Variants in AGAP1 observed in about 807,000 individuals in gnomAD.
The protein encoded by AGAP1 is arf-GAP with GTPase, ANK repeat and PH domain-containing protein 1.
Under a neutral mutation model 105.3 loss-of-function variants are expected in AGAP1, and 29 were observed. The ratio of observed to expected loss-of-function variants is 0.28; its 90% CI spans 0.21 to 0.38. AGAP1 has a LOEUF of 0.38. Among genes scored for constraint, AGAP1 ranks in the 10% least tolerant of loss-of-function variants. AGAP1 has a pLI of 1.00. For synonymous variants in AGAP1, 509 were observed against 485.9 expected (o/e 1.05, Z -0.63); for missense variants, 998 against 1,165.1 (o/e 0.86, Z 2.09).
intron 1 of AGAP1, among the ~76,000 whole-genome samples, chr2:235,698,270 T>TTG (rs1950090356): frequency 7.3e-6 from 1 of 136,060 alleles, no homozygotes; most frequent in Non-Finnish European, 1.6e-5. Context: ...AGATGAAGCT[T>TTG]CGCTTTGCTT....
chr2:235,628,869 T>C (rs1435624537), intron 1 of AGAP1, among the ~76,000 whole-genome samples: 2 of 152,146 alleles, frequency 1.3e-5, no homozygotes, highest in African/African-American at 4.8e-5. Flanking sequence ...TGGAGTGCAG[T>C]GCTGTGATCT....
At chr2:236,116,249 G>T (rs563024724) in intron 16 of AGAP1, among the ~76,000 whole-genome samples, 1 of 152,046 alleles carries the variant, frequency 6.6e-6, no homozygotes, top group Non-Finnish European at 1.5e-5. Context: ...CCTTTTGTGG[G>T]TTTCGGGCCC....
intron 2 of AGAP1, among the ~76,000 whole-genome samples, chr2:235,715,407 G>A (rs1951052020): frequency 6.6e-6 from 1 of 152,130 alleles, no homozygotes; most frequent in African/African-American, 2.4e-5. Context: ...AAGGCTGTCT[G>A]GGGGTGAGGG....
In AGAP1 at chr2:235,754,752, A is replaced by G. The variant is rs1953771819; in HGVS notation, c.673+4264A>G. Among the ~76,000 whole-genome samples, 1 of 152,194 alleles carries G rather than the reference A, an allele frequency of 6.6e-6. No homozygotes were observed. The highest frequency in any genetic ancestry group is 2.1e-4 in the South Asian group (1 of 4,822). ...TCGTTCATCTGAGCACCAGCTTCCCACACACTGTGCGTCTGGTCAGGGGCT... is the reference window on the plus strand; with the variant it reads ...TCGTTCATCTGAGCACCAGCTTCCCGCACACTGTGCGTCTGGTCAGGGGCT... On this transcript the variant is annotated intron_variant, in intron 6 of 17. Coordinates refer to ENST00000304032, the MANE Select transcript of AGAP1 (RefSeq NM_001037131.3). The surrounding 1 kb of genome is among the most constrained non-coding windows in gnomAD (Gnocchi z 4.6).
At position 235,631,767 on chromosome 2, in the gene AGAP1, C is replaced by T. The variant is rs1470070246; in HGVS notation, c.164-77412C>T. ...CCTTGGAGCTGCCTGTGGCAGGTGG[C>T]GGTGCTAATTAAGTTCCGGCTGTTG... On this transcript the variant is annotated intron_variant, in intron 1 of 17. Transcript: ENST00000304032. The surrounding 1 kb of genome is among the most constrained non-coding windows in gnomAD (Gnocchi z 5.4). Among the ~76,000 whole-genome samples the T allele has an allele frequency of 2.6e-5, 4 of 152,190 alleles. No homozygotes were observed. The highest frequency in any genetic ancestry group is 6.5e-5 in the Admixed American group (1 of 15,288).
chr2:235,928,728 A>G (rs922675756), intron 11 of AGAP1, among the ~76,000 whole-genome samples: 22 of 152,224 alleles, frequency 1.4e-4, no homozygotes, highest in Admixed American at 9.8e-4. Flanking sequence ...TGAATGCCCT[A>G]TTGTAATAGG....
intron 16 of AGAP1, among the ~76,000 whole-genome samples, chr2:236,093,768 T>TATTGAAATCTTGAAAA (rs11271241): frequency 0.17 from 25,262 of 151,998 alleles, 4,378 homozygotes; most frequent in African/African-American, 0.44. Context: ...TAATCCCAAG[T>TATTGAAATCTTGAAAA]ATTGAAATCT....
At position 236,038,805 on chromosome 2, in the gene AGAP1, G is replaced by A. The variant is rs2125672209; in HGVS notation, c.1801-1946G>A. Among the ~76,000 whole-genome samples, 1 of 134,662 alleles carries A rather than the reference G, an allele frequency of 7.4e-6. No individual in the cohort carries two copies. The highest frequency in any genetic ancestry group is 2.2e-4 in the East Asian group (1 of 4,642). The allele number at this position is 134,662 out of a possible 152,430, so 88.3% of individuals were successfully genotyped here. On this transcript the variant is annotated intron_variant, in intron 14 of 17. Coordinates refer to ENST00000304032, the MANE Select transcript of AGAP1 (RefSeq NM_001037131.3). This position sits in a 1 kb window ranked among gnomAD's most constrained non-coding sequence, Gnocchi z 4.5. Reference sequence around the variant, plus strand: ...GATACAGGTACACAGAGAGACAGAGGCACATCCCTTTGTATGTGTGTGTGT... The same window carrying A: ...GATACAGGTACACAGAGAGACAGAGACACATCCCTTTGTATGTGTGTGTGT...
At chr2:235,774,235 T>A (rs1955684049) in intron 6 of AGAP1, 1 of 414,838 alleles carries the variant, frequency 2.4e-6, no homozygotes, top group African/African-American at 2.1e-5. Flanking sequence ...AATGCACATC[T>A]GGAAAATCCG....
At chr2:235,595,930 C>T (rs1416282873) in intron 1 of AGAP1, among the ~76,000 whole-genome samples, 1 of 152,196 alleles carries the variant, frequency 6.6e-6, no homozygotes, top group Non-Finnish European at 1.5e-5. Flanking sequence ...AGCACAAGGT[C>T]AAAGTGTTTC....
rs2059042261 is a variant in AGAP1 at position 236,090,878 on chromosome 2, T to G, written c.2115-29314T>G. Among the ~76,000 whole-genome samples the G allele has an allele frequency of 6.6e-6, 1 of 152,170 alleles. No individual in the cohort carries two copies. Among genetic ancestry groups the G allele is most frequent in the Non-Finnish European group, 1.5e-5 (1 of 68,022 alleles). On this transcript the variant is annotated intron_variant, in intron 16 of 17. Transcript: ENST00000304032. The surrounding 1 kb of genome is among the most constrained non-coding windows in gnomAD (Gnocchi z 4.3). ...CCTCAGCCTCCTGAGTAGCTGGGAT[T>G]ACAGGCATGCGCCACCATACCCGGC...
At chr2:235,742,706 CT>C (rs11302459) in intron 4 of AGAP1, among the ~76,000 whole-genome samples, 2,636 of 152,278 alleles carry the variant, frequency 0.017, 69 homozygotes, top group African/African-American at 0.056. Context: ...CCTCCTGTGG[CT>C]GGTGATAGGA....
rs1179640804 is a variant in AGAP1, at chr2:236,053,274, G to A, written c.2114+3993G>A. ...CTCCTGCATGAATGAATGATTGAAC[G>A]AGTAAATGAGTGAAAGCGGGAACTC... On this transcript the variant is annotated intron_variant, in intron 16 of 17. Transcript: ENST00000304032. This position sits in a 1 kb window ranked among gnomAD's most constrained non-coding sequence, Gnocchi z 4.6. 1.3e-5 allele frequency among the ~76,000 whole-genome samples: 2 copies of A among 152,198 alleles called. No individual in the cohort carries two copies. The highest frequency in any genetic ancestry group is 6.5e-5 in the Admixed American group (1 of 15,276).
rs73116440 is a variant in AGAP1, at chr2:235,498,009, A to G, written c.163+3160A>G. 5.7e-3 allele frequency among the ~76,000 whole-genome samples: 864 copies of G among 152,010 alleles called. 10 individuals carry two copies. The highest frequency in any genetic ancestry group is 0.02 in the African/African-American group (826 of 41,344). ...AACTTCACTGTTTTCTGGCATCTTC[A>G]GGAATTTTTGCTGTTGGAGTGAGGT... is the stretch of plus-strand genomic sequence containing the variant. On this transcript the variant is annotated intron_variant, in intron 1 of 17. Transcript: ENST00000304032.
At chr2:236,106,758 A>G (rs930865980) in intron 16 of AGAP1, among the ~76,000 whole-genome samples, 2 of 152,134 alleles carry the variant, frequency 1.3e-5, no homozygotes, top group African/African-American at 4.8e-5. Context: ...TGGGGTCTGC[A>G]GGTCTCGCAG....
At position 236,056,134 on chromosome 2, in the gene AGAP1, C is replaced by T. The variant is rs553204359; in HGVS notation, c.2114+6853C>T. Among the ~76,000 whole-genome samples the T allele has an allele frequency of 1.3e-5, 2 of 152,252 alleles. No individual in the cohort carries two copies. Among genetic ancestry groups the T allele is most frequent in the Admixed American group, 1.3e-4 (2 of 15,300 alleles). On this transcript the variant is annotated intron_variant, in intron 16 of 17. Coordinates refer to ENST00000304032, the MANE Select transcript of AGAP1 (RefSeq NM_001037131.3). The surrounding 1 kb of genome is among the most constrained non-coding windows in gnomAD (Gnocchi z 4.6). Reference sequence around the variant, plus strand: ...GGCTCTAATTATAAGAAAGGTGATTCTAAGAAGATTCTCCATGAGGTTAAG... The same window carrying T: ...GGCTCTAATTATAAGAAAGGTGATTTTAAGAAGATTCTCCATGAGGTTAAG...
At chr2:235,749,139 G>C (rs1953210680) in intron 5 of AGAP1, among the ~76,000 whole-genome samples, 1 of 151,976 alleles carries the variant, frequency 6.6e-6, no homozygotes, top group Non-Finnish European at 1.5e-5. Flanking sequence ...AAACCAGGAG[G>C]CAGAGGTTGC....
At position 236,092,976 on chromosome 2, in the gene AGAP1, A is replaced by G. The variant is rs2059102247; in HGVS notation, c.2115-27216A>G. On this transcript the variant is annotated intron_variant, in intron 16 of 17. Transcript: ENST00000304032. This position sits in a 1 kb window ranked among gnomAD's most constrained non-coding sequence, Gnocchi z 4.7. ...TGGCCAAATCTGGAACAATTGAAGC[A>G]TCTAAAAGAATAGTGTTGGTGGCAG... is the stretch of plus-strand genomic sequence containing the variant. 6.6e-6 allele frequency among the ~76,000 whole-genome samples: 1 copy of G among 152,260 alleles called. No individual in the cohort carries two copies. Among genetic ancestry groups the G allele is most frequent in the African/African-American group, 2.4e-5 (1 of 41,476 alleles).
chr2:235,539,936 G>A (rs1163746854), intron 1 of AGAP1, among the ~76,000 whole-genome samples: 2 of 152,070 alleles, frequency 1.3e-5, no homozygotes, highest in East Asian at 3.9e-4. Context: ...GCCTCCACCT[G>A]GTCATCCACC....
Sources: gnomAD v4.1 joint callset for allele counts (sites outside exome capture counted in the v4.1 genomes callset) on GRCh38, gnomAD v4.1.1 for gene constraint, Gnocchi (gnomAD v3.1) non-coding constraint, MANE v1.5 for transcripts, NCBI Gene and HGNC (gene_info 2026-07-23, HGNC 2026-07-21) for gene names.